STX7: variants seen among roughly 807,000 people sequenced by gnomAD.
The protein encoded by STX7 is syntaxin 7.
A neutral mutation model predicts 39.6 loss-of-function variants in STX7; 34 were observed. The observed-to-expected ratio is 0.86, with a 90% CI of 0.65 to 1.14. The LOEUF is 1.14. Ranked by LOEUF, STX7 falls within the 50% of genes most tolerant of loss-of-function variation. STX7 has a pLI of 0.00. For missense variants in STX7, 284 were observed against 310.4 expected (o/e 0.92, Z 0.64); for synonymous variants, 119 against 99.1 (o/e 1.20, Z -1.19).
intron 1 of STX7, among the ~76,000 whole-genome samples, chr6:132,511,732 G>A (rs1200935708): frequency 6.6e-6 from 1 of 152,190 alleles, no homozygotes; most frequent in African/African-American, 2.4e-5. Flanking sequence ...TCACAATACC[G>A]AGGATTGTTT....
At chr6:132,461,939 G>T in intron 9 of STX7, 1 of 1,326,806 alleles carries the variant, frequency 7.5e-7, no homozygotes. Context: ...ATACATTTCT[G>T]AGTCTGAAAT....
At chr6:132,502,450 C>T (rs72998889) in intron 2 of STX7, among the ~76,000 whole-genome samples, 4,439 of 151,312 alleles carry the variant, frequency 0.029, 99 homozygotes, top group Non-Finnish European at 0.046. Flanking sequence ...CCATAATTTA[C>T]AAACAAAAAA....
rs554210418 is a variant in STX7, at chr6:132,461,568, CCA to C, written c.694-720_694-719del. The C allele has an allele frequency of 5.6e-5, 19 of 340,214 alleles. No individual in the cohort carries two copies. The East Asian group carries it at 7.9e-4, about 14-fold the overall frequency. 21.1% of individuals were successfully genotyped at this position (340,214 alleles called of 1,614,324 possible). A position where few individuals can be genotyped will look rare whatever the true frequency, so the allele number is the denominator to read the frequency against. ...CTCATGATCTGCCCACTTCGGCCTCCCACAGTGCTGGGATTACAGGCGTGAGC... is the reference window on the plus strand; with the variant it reads ...CTCATGATCTGCCCACTTCGGCCTCCCAGTGCTGGGATTACAGGCGTGAGC... On this transcript the variant is annotated intron_variant, in intron 9 of 9. Transcript: ENST00000367941.
chr6:132,493,054 T>C (rs1165051538), intron 2 of STX7, among the ~76,000 whole-genome samples: 2 of 152,174 alleles, frequency 1.3e-5, no homozygotes, highest in Non-Finnish European at 1.5e-5. Flanking sequence ...AGTATCTTGG[T>C]GATGTCTGTG....
intron 3 of STX7, among the ~76,000 whole-genome samples, chr6:132,474,516 T>A (rs1774821376): frequency 6.6e-6 from 1 of 152,162 alleles, no homozygotes; most frequent in Non-Finnish European, 1.5e-5. Context: ...TATCGTCCTC[T>A]TTGCAGTTTT....
intron 3 of STX7, among the ~76,000 whole-genome samples, chr6:132,474,227 C>CA (rs67939950): frequency 0.3 from 21,101 of 69,348 alleles, 3,820 homozygotes; most frequent in African/African-American, 0.36. Flanking sequence ...GATCCTGTCT[C>CA]AAAAAAAAAA....
chr6:132,509,197 C>T (rs9493338), intron 1 of STX7, among the ~76,000 whole-genome samples: 30,050 of 152,026 alleles, frequency 0.2, 3,377 homozygotes, highest in East Asian at 0.52. Context: ...CGGTGGCTCA[C>T]GCCTGTAATC....
intron 9 of STX7, among the ~76,000 whole-genome samples, chr6:132,463,336 T>C (rs1052177243): frequency 2.6e-5 from 4 of 152,240 alleles, no homozygotes; most frequent in Admixed American, 6.5e-5. Flanking sequence ...CCTTATCCAA[T>C]TTGAACATCA....
chr6:132,505,755 A>C (rs1420725235), intron 1 of STX7, among the ~76,000 whole-genome samples: 4 of 149,692 alleles, frequency 2.7e-5, no homozygotes, highest in African/African-American at 7.4e-5. Flanking sequence ...AAAAAAAAAA[A>C]AAAAAAAAAC....
chr6:132,509,828 T>A (rs921582368), intron 1 of STX7, among the ~76,000 whole-genome samples: 2 of 152,208 alleles, frequency 1.3e-5, no homozygotes, highest in African/African-American at 4.8e-5. Flanking sequence ...TAAAAGCTTA[T>A]GATCTCTGCA....
At chr6:132,485,388 T>C (rs1047630034) in intron 2 of STX7, among the ~76,000 whole-genome samples, 1 of 152,236 alleles carries the variant, frequency 6.6e-6, no homozygotes, top group Admixed American at 6.5e-5. Flanking sequence ...CTTTTATTGC[T>C]GAGTATTCCA....
chr6:132,462,307 C>T (rs3823289), intron 9 of STX7, among the ~76,000 whole-genome samples: 14,548 of 152,266 alleles, frequency 0.096, 830 homozygotes, highest in East Asian at 0.16. Context: ...TTTCTCAGCA[C>T]TTGTGCTGCA....
intron 2 of STX7, among the ~76,000 whole-genome samples, chr6:132,500,261 G>A (rs1582680298): frequency 1.3e-5 from 2 of 152,070 alleles, no homozygotes; most frequent in East Asian, 3.9e-4. Flanking sequence ...CTCTTAAAAT[G>A]AAATCTAAAC....
chr6:132,498,696 C>T (rs966655825), intron 2 of STX7, among the ~76,000 whole-genome samples: 3 of 152,158 alleles, frequency 2.0e-5, no homozygotes, highest in African/African-American at 7.2e-5. Context: ...TTTATTCAAT[C>T]GCACCCAGTA....
intron 2 of STX7, among the ~76,000 whole-genome samples, chr6:132,487,709 G>C (rs867084071): frequency 3.3e-5 from 5 of 152,028 alleles, no homozygotes; most frequent in African/African-American, 4.8e-5. Context: ...GTAATGTACA[G>C]AATATATGTA....
intron 5 of STX7, 107 bp downstream of exon 5, chr6:132,471,356 G>C: frequency 2.4e-6 from 3 of 1,238,018 alleles, no homozygotes; most frequent in Middle Eastern, 2.9e-4. Flanking sequence ...TGATTTCCAA[G>C]ATATTCACAG....
intron 2 of STX7, among the ~76,000 whole-genome samples, chr6:132,488,954 C>A (rs187302806): frequency 6.6e-6 from 1 of 152,194 alleles, no homozygotes; most frequent in Non-Finnish European, 1.5e-5. Flanking sequence ...GTAATCCCAG[C>A]ACTTTGGGAG....
rs376364533 is a variant in STX7 at position 132,457,112 on chromosome 6, C to T, written c.*3646G>A. The T allele has an allele frequency of 6.6e-6, 1 of 152,396 alleles. No homozygotes were observed. Among genetic ancestry groups the T allele is most frequent in the Admixed American group, 6.5e-5 (1 of 15,286 alleles). The allele number at this position is 152,396 out of a possible 1,614,324, so 9.4% of individuals were successfully genotyped here. On this transcript the variant is annotated 3_prime_UTR_variant, in exon 10 of 10. Transcript: ENST00000367941. Reference sequence around the variant, plus strand: ...AGTCACAGCAGTGCCTGGGCCAGCTCCTGAGATCCACCCACTTTGGGGCCG... The same window carrying T: ...AGTCACAGCAGTGCCTGGGCCAGCTTCTGAGATCCACCCACTTTGGGGCCG...
chr6:132,461,596 C>T (rs1774400793), intron 9 of STX7: 1 of 435,756 alleles, frequency 2.3e-6, no homozygotes, highest in Non-Finnish European at 4.1e-6. Context: ...AGGCGTGAGC[C>T]ACCACGCCCA....
Sources: gnomAD v4.1 joint callset for allele counts (sites outside exome capture counted in the v4.1 genomes callset) on GRCh38, gnomAD v4.1.1 for gene constraint, MANE v1.5 for transcripts, NCBI Gene and HGNC (gene_info 2026-07-23, HGNC 2026-07-21) for gene names.